Variants in LRMDA observed in about 807,000 individuals in gnomAD.
The protein encoded by LRMDA is leucine-rich melanocyte differentiation-associated protein.
LRMDA carries 18 observed loss-of-function variants against 29.8 expected under a neutral mutation model. The ratio of observed to expected loss-of-function variants is 0.60; its 90% CI spans 0.42 to 0.90. The LOEUF (loss-of-function observed/expected upper bound fraction) is 0.90, where lower values mean the gene tolerates loss of function less well. LRMDA is among the 40% of genes least tolerant of loss of function. The pLI, the probability that LRMDA is intolerant of heterozygous loss-of-function variation, is 0.00. For synonymous variants in LRMDA, 125 were observed against 109.4 expected (o/e 1.14, Z -0.89); for missense variants, 273 against 273.9 (o/e 1.00, Z 0.02).
intron 2 of LRMDA, among the ~76,000 whole-genome samples, chr10:75,675,368 T>C (rs975753000): frequency 2.0e-5 from 3 of 152,224 alleles, no homozygotes; most frequent in African/African-American, 7.2e-5. Context: ...AGCTGAAACC[T>C]TGATCAGTTA....
chr10:75,831,648 C>G (rs1844347536), intron 2 of LRMDA, among the ~76,000 whole-genome samples: 1 of 152,192 alleles, frequency 6.6e-6, no homozygotes, highest in Non-Finnish European at 1.5e-5. Context: ...AGGCTCCAAT[C>G]CCACATTTCC....
intron 6 of LRMDA, among the ~76,000 whole-genome samples, chr10:76,467,037 C>G (rs1479218360): frequency 6.6e-6 from 1 of 152,146 alleles, no homozygotes; most frequent in Non-Finnish European, 1.5e-5. Flanking sequence ...AATTTTGCCA[C>G]TCTTATAAAT....
intron 2 of LRMDA, among the ~76,000 whole-genome samples, chr10:75,554,909 A>G (rs549528543): frequency 6.6e-6 from 1 of 152,260 alleles, no homozygotes; most frequent in Non-Finnish European, 1.5e-5. Context: ...ATATTTCCTT[A>G]AAGTTGTATA....
At chr10:75,697,834 A>AGTGTGTGTGTGTGTGTGTGTGTGTGT (rs377639647) in intron 2 of LRMDA, among the ~76,000 whole-genome samples, 24 of 132,050 alleles carry the variant, frequency 1.8e-4, no homozygotes, top group African/African-American at 7.2e-4. Flanking sequence ...TGCATGTAAG[A>AGTGTGTGTGTGTGTGTGTGTGTGTGT]GTGTGTGTGT....
intron 2 of LRMDA, among the ~76,000 whole-genome samples, chr10:75,458,479 C>A (rs1844546634): frequency 6.6e-6 from 1 of 152,012 alleles, no homozygotes; most frequent in Non-Finnish European, 1.5e-5. Context: ...AGGGAGGAAG[C>A]AGAATCTTCA....
intron 2 of LRMDA, among the ~76,000 whole-genome samples, chr10:75,786,363 T>C (rs747300864): frequency 2.0e-5 from 3 of 152,190 alleles, no homozygotes; most frequent in Non-Finnish European, 2.9e-5. Flanking sequence ...AAATGGTATC[T>C]AGCTAATATT....
intron 2 of LRMDA, among the ~76,000 whole-genome samples, chr10:75,622,868 A>C (rs769175947): frequency 2.6e-5 from 4 of 152,254 alleles, no homozygotes; most frequent in Non-Finnish European, 5.9e-5. Flanking sequence ...ATGCCAGCAA[A>C]GGAGGAATAT....
At chr10:76,327,934 T>C (rs1840856484) in intron 6 of LRMDA, among the ~76,000 whole-genome samples, 1 of 152,226 alleles carries the variant, frequency 6.6e-6, no homozygotes. Flanking sequence ...GCATTGGCGG[T>C]TTGACGGTAG....
chr10:76,038,946 T>C (rs1848297243), intron 3 of LRMDA, among the ~76,000 whole-genome samples: 1 of 152,210 alleles, frequency 6.6e-6, no homozygotes, highest in Non-Finnish European at 1.5e-5. Context: ...ACCTGGAGGC[T>C]CAACTGGGGC....
intron 2 of LRMDA, among the ~76,000 whole-genome samples, chr10:75,941,010 C>T (rs566971683): frequency 3.3e-5 from 5 of 152,280 alleles, no homozygotes; most frequent in Non-Finnish European, 7.4e-5. Context: ...ATCTTTACCA[C>T]TCTGAACAGC....
At chr10:75,846,177 TTGTGTGTGTG>T (rs59549881) in intron 2 of LRMDA, among the ~76,000 whole-genome samples, 1,519 of 143,076 alleles carry the variant, frequency 0.011, 27 homozygotes, top group African/African-American at 0.036. Flanking sequence ...GTGTGTGTGT[TTGTGTGTGTG>T]TGTGTGTGTG....
At chr10:75,802,813 A>G (rs1843777253) in intron 2 of LRMDA, among the ~76,000 whole-genome samples, 1 of 152,120 alleles carries the variant, frequency 6.6e-6, no homozygotes, top group Non-Finnish European at 1.5e-5. Context: ...ACAAATTATA[A>G]GTTAAATAAA....
chr10:76,083,016 A>T (rs1271094026), intron 5 of LRMDA, among the ~76,000 whole-genome samples: 1 of 152,234 alleles, frequency 6.6e-6, no homozygotes, highest in Admixed American at 6.5e-5. Flanking sequence ...GCAGGGATTC[A>T]GTGGATGCAT....
intron 2 of LRMDA, among the ~76,000 whole-genome samples, chr10:75,599,697 C>G (rs973411313): frequency 1.3e-5 from 2 of 152,164 alleles, no homozygotes; most frequent in African/African-American, 2.4e-5. Context: ...CTGCAGTGTC[C>G]AATATGGTAG....
At chr10:75,696,281 T>C (rs1168734886) in intron 2 of LRMDA, among the ~76,000 whole-genome samples, 1 of 152,224 alleles carries the variant, frequency 6.6e-6, no homozygotes, top group Non-Finnish European at 1.5e-5. Flanking sequence ...ACTCTGATTG[T>C]TTTCGTCACA....
At chr10:76,528,376 G>A (rs972820759) in intron 6 of LRMDA, among the ~76,000 whole-genome samples, 26 of 152,034 alleles carry the variant, frequency 1.7e-4, no homozygotes, top group African/African-American at 6.3e-4. Context: ...AAATATTTAA[G>A]TAATAAAATA....
Position 76,473,083 on chromosome 10 carries a change from G to T in LRMDA, c.602-84126G>T, listed in dbSNP as rs1245416813. The stretch of plus-strand genomic sequence containing the variant: ...AAGGCATCATAAGAAAGAAAAATAT[G>T]ATATTTCGTGAAATGAAAAATCCTT... On this transcript the variant is annotated intron_variant, in intron 6 of 6. Transcript: ENST00000611255. 2.6e-5 allele frequency among the ~76,000 whole-genome samples: 4 copies of T among 151,546 alleles called. No homozygotes were observed. In the East Asian group the frequency reaches 7.8e-4, roughly 29 times the overall value.
At chr10:75,997,642 C>T (rs1847493280) in intron 2 of LRMDA, among the ~76,000 whole-genome samples, 1 of 152,156 alleles carries the variant, frequency 6.6e-6, no homozygotes, top group South Asian at 2.1e-4. Context: ...CAGAGAGTTA[C>T]ACTTACTTGC....
At chr10:76,167,404 A>G (rs983597243) in intron 5 of LRMDA, among the ~76,000 whole-genome samples, 1 of 151,762 alleles carries the variant, frequency 6.6e-6, no homozygotes, top group Non-Finnish European at 1.5e-5. Flanking sequence ...GCAGAATAGT[A>G]TTGCCTATCT....
Sources: gnomAD v4.1 joint callset for allele counts (sites outside exome capture counted in the v4.1 genomes callset) on GRCh38, gnomAD v4.1.1 for gene constraint, MANE v1.5 for transcripts, NCBI Gene and HGNC (gene_info 2026-07-23, HGNC 2026-07-21) for gene names.